Variants in SNX14 observed in about 807,000 individuals in gnomAD.
The protein encoded by SNX14 is sorting nexin 14, also known as sorting nexin-14.
In SNX14, 93 loss-of-function variants were observed where a neutral mutation model predicts 133.8. That is an observed-to-expected ratio of 0.70 (90% CI 0.59 to 0.83). The LOEUF (loss-of-function observed/expected upper bound fraction) is 0.83, where lower values mean the gene tolerates loss of function less well. Ranked by LOEUF, SNX14 falls within the 40% of genes least tolerant of loss-of-function variation. The pLI is 0.00. For missense variants in SNX14, 945 were observed against 1,094.9 expected, an observed-to-expected ratio of 0.86 and a Z score of 1.93; for synonymous variants, 368 against 365.6, an observed-to-expected ratio of 1.01 and a Z score of -0.07.
intron 1 of SNX14, among the ~76,000 whole-genome samples, chr6:85,590,145 G>T (rs1295820919): frequency 6.6e-6 from 1 of 152,202 alleles, no homozygotes; most frequent in Non-Finnish European, 1.5e-5. Flanking sequence ...CAGAAAGAAT[G>T]ATTCTTGTTG....
At chr6:85,545,689 T>C (rs1214219743) in intron 12 of SNX14, among the ~76,000 whole-genome samples, 1 of 152,222 alleles carries the variant, frequency 6.6e-6, no homozygotes, top group Non-Finnish European at 1.5e-5. Flanking sequence ...TACATATTTA[T>C]TTATTTATTT....
intron 7 of SNX14, among the ~76,000 whole-genome samples, chr6:85,557,409 T>G (rs117987474): frequency 1.3e-5 from 2 of 152,152 alleles, no homozygotes; most frequent in African/African-American, 4.8e-5. Flanking sequence ...AAACATTTAA[T>G]GAACATATGC....
At chr6:85,579,355 C>G (rs879042822) in intron 1 of SNX14, among the ~76,000 whole-genome samples, 1 of 152,084 alleles carries the variant, frequency 6.6e-6, no homozygotes, top group Non-Finnish European at 1.5e-5. Flanking sequence ...AGAGGCAGAA[C>G]AAGATAGCCA....
At chr6:85,519,666 C>A (rs1468328044) in intron 21 of SNX14, among the ~76,000 whole-genome samples, 4 of 152,052 alleles carry the variant, frequency 2.6e-5, no homozygotes, top group African/African-American at 9.6e-5. Flanking sequence ...GTCAGGAGTT[C>A]GAGACCAGCC....
intron 1 of SNX14, among the ~76,000 whole-genome samples, chr6:85,593,079 A>G (rs760817908): frequency 6.6e-6 from 1 of 152,194 alleles, no homozygotes; most frequent in Non-Finnish European, 1.5e-5. Context: ...TGTCCAACAA[A>G]TCTTTATGAT....
intron 23 of SNX14, among the ~76,000 whole-genome samples, chr6:85,515,262 C>CAAAAAAAAAAA (rs751549621): frequency 8.8e-5 from 2 of 22,774 alleles, no homozygotes; most frequent in Non-Finnish European, 1.9e-4. Flanking sequence ...GCAAGACCGT[C>CAAAAAAAAAAA]AAAAAAAAAA....
intron 2 of SNX14, among the ~76,000 whole-genome samples, chr6:85,573,008 G>A (rs535754732): frequency 6.6e-6 from 1 of 152,248 alleles, no homozygotes; most frequent in African/African-American, 2.4e-5. Context: ...GGCATAATAA[G>A]AAAAAACTAT....
intron 1 of SNX14, chr6:85,581,604 A>T (rs1799086660): frequency 6.6e-6 from 1 of 152,226 alleles, no homozygotes; most frequent in Non-Finnish European, 1.5e-5. Context: ...TCAAGATAAC[A>T]CAGAGAAGGA....
chr6:85,593,129 C>G (rs932124744), intron 1 of SNX14, among the ~76,000 whole-genome samples: 5 of 152,194 alleles, frequency 3.3e-5, no homozygotes, highest in African/African-American at 9.7e-5. Flanking sequence ...AAAGCTTCAG[C>G]TGCAAGCTGA....
intron 20 of SNX14, among the ~76,000 whole-genome samples, chr6:85,526,985 G>A (rs1778689686): frequency 6.6e-6 from 1 of 152,034 alleles, no homozygotes; most frequent in African/African-American, 2.4e-5. Context: ...TGGAGAATCG[G>A]TTGAACTCGG....
rs1318707220 is a variant in SNX14, at chr6:85,578,441, AG to A, written c.141-4064del. ...ACACAGTTGCCACAGAGAAGGGAAG[AG>A]GGGGGTATCCTGGGGAACTGCTGGA... On this transcript the variant is annotated intron_variant, in intron 1 of 28. Transcript: ENST00000314673. 2.2e-4 allele frequency among the ~76,000 whole-genome samples: 34 copies of A among 152,258 alleles called. 1 individual carries two copies. In the East Asian group the frequency reaches 6.2e-3, roughly 28 times the overall value.
At chr6:85,533,553 T>G in intron 18 of SNX14, 46 bp downstream of exon 18, 1 of 1,563,708 alleles carries the variant, frequency 6.4e-7, no homozygotes, top group Non-Finnish European at 8.7e-7. Context: ...AACAACAGAC[T>G]CATTCATGGG....
At chr6:85,526,263 A>G (rs753132713) in intron 20 of SNX14, 26 bp from the exon 21 acceptor site, 1 of 1,471,958 alleles carries the variant, frequency 6.8e-7, no homozygotes, top group South Asian at 1.3e-5. Context: ...AAAACGGAAA[A>G]CACAGTTTAG....
intron 1 of SNX14, among the ~76,000 whole-genome samples, chr6:85,579,569 C>T (rs1798410149): frequency 1.3e-5 from 2 of 152,144 alleles, no homozygotes; most frequent in Non-Finnish European, 2.9e-5. Flanking sequence ...CAGAAGTGGC[C>T]ACATGTCAAA....
At chr6:85,564,140 T>A (rs947951486) in intron 6 of SNX14, among the ~76,000 whole-genome samples, 1 of 152,166 alleles carries the variant, frequency 6.6e-6, no homozygotes, top group African/African-American at 2.4e-5. Flanking sequence ...CATGGTGTAT[T>A]TGTGCCACAT....
At chr6:85,580,093 TGAG>T (rs1431109397) in intron 1 of SNX14, among the ~76,000 whole-genome samples, 2 of 152,102 alleles carry the variant, frequency 1.3e-5, no homozygotes, top group Non-Finnish European at 2.9e-5. Context: ...TCCCTCTGCT[TGAG>T]GAGAGGAGAG....
At chr6:85,555,935 C>G (rs1172625597) in intron 7 of SNX14, among the ~76,000 whole-genome samples, 1 of 151,780 alleles carries the variant, frequency 6.6e-6, no homozygotes, top group African/African-American at 2.4e-5. Context: ...TTGCAGTGAG[C>G]TGAGATTGTG....
At chr6:85,512,621 CAAAA>C (rs11336326) in intron 26 of SNX14, among the ~76,000 whole-genome samples, 7 of 123,530 alleles carry the variant, frequency 5.7e-5, no homozygotes, top group East Asian at 4.9e-4. Flanking sequence ...GGCTCTGTCT[CAAAA>C]AAAAAAAAAA....
chr6:85,546,198 T>C (rs1785425891), intron 12 of SNX14, among the ~76,000 whole-genome samples: 1 of 151,542 alleles, frequency 6.6e-6, no homozygotes, highest in African/African-American at 2.4e-5. Context: ...CCTAAGGGAA[T>C]TTTCTGGGCT....
Sources: allele counts gnomAD v4.1 joint callset (sites outside exome capture counted in the v4.1 genomes callset), GRCh38; gene constraint gnomAD v4.1.1; transcripts MANE v1.5; gene names NCBI Gene and HGNC (gene_info 2026-07-23, HGNC 2026-07-21).